Variants in PSG6 observed in about 807,000 individuals in gnomAD.
The protein encoded by PSG6 is pregnancy specific beta-1-glycoprotein 6.
Under a neutral mutation model 43.3 loss-of-function variants are expected in PSG6, and 51 were observed. That is an observed-to-expected ratio of 1.18 (90% CI 0.94 to 1.49). The LOEUF (loss-of-function observed/expected upper bound fraction) is 1.49, where lower values mean the gene tolerates loss of function less well. Ranked by LOEUF, PSG6 falls within the 40% of genes most tolerant of loss-of-function variation. The pLI, the probability that PSG6 is intolerant of heterozygous loss-of-function variation, is 0.00. For synonymous variants in PSG6, 292 were observed against 197.6 expected (o/e 1.48, Z -4.01); for missense variants, 770 against 522.2 (o/e 1.47, Z -4.62).
intron 5 of PSG6, among the ~76,000 whole-genome samples, chr19:42,903,435 A>G (rs1161484267): frequency 6.6e-6 from 1 of 151,638 alleles, no homozygotes; most frequent in African/African-American, 2.4e-5. Context: ...GAGGGAAATA[A>G]TAAGTATTAG....
At chr19:42,909,239 G>A (rs1430098613) in intron 3 of PSG6, among the ~76,000 whole-genome samples, 1 of 151,436 alleles carries the variant, frequency 6.6e-6, no homozygotes, top group African/African-American at 2.4e-5. Context: ...CTAGCTTGGT[G>A]ATTAGTTTTC....
chr19:42,910,518 G>A (rs747092612), intron 3 of PSG6, 62 bp downstream of exon 3: 1 of 1,612,488 alleles, frequency 6.2e-7, no homozygotes, highest in Non-Finnish European at 8.5e-7. Context: ...TGAGAGGCCT[G>A]GCCTCTGGCC....
Position 42,917,888 on chromosome 19 carries a change from C to G in PSG6, c.-96G>C. The G allele has an allele frequency of 6.8e-7, 1 of 1,478,124 alleles. No individual in the cohort carries two copies. The highest frequency in any genetic ancestry group is 9.2e-7 in the Non-Finnish European group (1 of 1,091,008). 91.6% of individuals were successfully genotyped at this position (1,478,124 alleles called of 1,614,324 possible). A position where few individuals can be genotyped will look rare whatever the true frequency, so the allele number is the denominator to read the frequency against. On this transcript the variant is annotated 5_prime_UTR_variant, in exon 1 of 6. Transcript: ENST00000187910. ...GTCAGGTGTGCTGTCCTTCCTCCTT[C>G]TGTGCTGAGCCTCTTCCCAGGGCAG...
intron 2 of PSG6, among the ~76,000 whole-genome samples, chr19:42,913,575 C>T (rs144097952): frequency 6.6e-6 from 1 of 151,592 alleles, no homozygotes; most frequent in Non-Finnish European, 1.5e-5. Context: ...AGAAAGTGAC[C>T]GGAGAATGTG....
In PSG6 at chr19:42,907,685, C is replaced by G; in HGVS notation, c.876G>C (p.Arg292Ser). 6.2e-7 allele frequency: 1 copy of G among 1,610,930 alleles called. No homozygotes were observed. Among genetic ancestry groups the G allele is most frequent in the Non-Finnish European group, 8.5e-7 (1 of 1,179,098 alleles). ...TCGTGACACTGGGTAGAATGAGTAT[C>G]CTGTTTTCAATGGGTCGCTTTACCC... ...SPRVKRPIEN[R>S]ILILPSVTRN... Residue 292 changes from arginine to serine, a missense_variant, in exon 4 of 6, where the codon AGG (arginine) becomes AGC (serine). Physicochemically the swap from Arg to Ser is moderately radical, Grantham distance 110. Transcript: ENST00000187910.
rs775131262 is a variant in PSG6 at position 42,910,504 on chromosome 19, G to T, written c.706+76C>A. 3.7e-6 allele frequency: 6 copies of T among 1,612,218 alleles called. 1 individual carries two copies. The African/African-American group carries it at 8.0e-5, about 22-fold the overall frequency. On this transcript the variant is annotated intron_variant, in intron 3 of 5. Transcript: ENST00000187910. ...AGGTCTCTGTACTTGGACCTGAGAG[G>T]GACTGAGAGGCCTGGCCTCTGGCCA...
chr19:42,910,186 G>C (rs993408350), intron 3 of PSG6: 1 of 358,438 alleles, frequency 2.8e-6, no homozygotes, highest in Admixed American at 4.0e-5. Context: ...GGAGCAAAGA[G>C]AATAATGTCA....
Position 42,917,728 on chromosome 19 carries a change from C to G in PSG6, c.64+1G>C, listed in dbSNP as rs1222638985. ...CCTCTCCCAGGAAGTCCTCTCCTCA[C>G]CTGTGAGCAGGAGCCCCTTCCAGGT... On this transcript the variant is annotated splice_donor_variant, in intron 1 of 5. Transcript: ENST00000187910. LOFTEE classifies it high-confidence loss of function. The G allele has an allele frequency of 1.2e-6, 2 of 1,609,832 alleles. No individual in the cohort carries two copies. Among genetic ancestry groups the G allele is most frequent in the East Asian group, 2.2e-5 (1 of 44,674 alleles).
At chr19:42,906,725 G>C (rs1972118642) in intron 5 of PSG6, 197 bp downstream of exon 5, 1 of 1,519,476 alleles carries the variant, frequency 6.6e-7, no homozygotes, top group Non-Finnish European at 8.9e-7. Context: ...CAGACACAAG[G>C]TCAGCCATGA....
intron 2 of PSG6, among the ~76,000 whole-genome samples, chr19:42,912,953 A>G (rs7259540): frequency 6.6e-6 from 1 of 151,682 alleles, no homozygotes; most frequent in East Asian, 1.9e-4. Flanking sequence ...TTGTCCCACA[A>G]CTACAAAATT....
chr19:42,907,098 G>A lies in PSG6; in HGVS notation c.1064C>T (p.Ala355Val), dbSNP rs781658393. 1.2e-5 allele frequency: 19 copies of A among 1,612,604 alleles called. No homozygotes were observed. The highest frequency in any genetic ancestry group is 1.4e-5 in the Non-Finnish European group (17 of 1,179,278). The change falls in exon 5 of 6, where the codon GCG (alanine) becomes GTG (valine). Residue 355 changes from alanine (A) to valine (V), a missense_variant. Coordinates refer to ENST00000187910, the MANE Select transcript of PSG6 (RefSeq NM_001031850.4). ...ATACTCTGCCGGTGGGTTAGAGTCC[G>A]CAAAGCAGGACAAGTCGAGGTTTTC... is the stretch of plus-strand genomic sequence containing the variant. ...SGENLDLSCF[A>V]DSNPPAEYSW...
chr19:42,906,273 C>T (rs1482813552), intron 5 of PSG6, among the ~76,000 whole-genome samples: 1 of 151,550 alleles, frequency 6.6e-6, no homozygotes, highest in Non-Finnish European at 1.5e-5. Flanking sequence ...CCTGAAGCTC[C>T]CTCTCTTCTT....
Position 42,917,616 on chromosome 19 carries a change from G to A in PSG6, c.64+113C>T, listed in dbSNP as rs1367439458. The A allele has an allele frequency of 6.8e-6, 10 of 1,479,484 alleles. 1 individual carries two copies. The East Asian group carries it at 1.2e-4, about 18-fold the overall frequency. 91.6% of individuals were successfully genotyped at this position (1,479,484 alleles called of 1,614,324 possible). A position where few individuals can be genotyped will look rare whatever the true frequency, so the allele number is the denominator to read the frequency against. Reference sequence around the variant, plus strand: ...CTGATCTCGTGATCCACCCACCTCAGCCTCCCTAAGTGCTGGCTTCTTTTA... The same window carrying A: ...CTGATCTCGTGATCCACCCACCTCAACCTCCCTAAGTGCTGGCTTCTTTTA... On this transcript the variant is annotated intron_variant, in intron 1 of 5. Coordinates refer to ENST00000187910, the MANE Select transcript of PSG6 (RefSeq NM_001031850.4).
chr19:42,906,874 T>C, intron 5 of PSG6, 48 bp downstream of exon 5: 2 of 1,611,558 alleles, frequency 1.2e-6, no homozygotes, highest in Non-Finnish European at 1.7e-6. Context: ...GAAAGCCAGA[T>C]AGACTCCACC....
chr19:42,907,592 GACTGGGTT>G lies in PSG6; in HGVS notation c.961_968del (p.Asn321HisfsTer35), dbSNP rs1251744111. On this transcript the variant is annotated frameshift_variant, in exon 4 of 6. Coordinates refer to ENST00000187910, the MANE Select transcript of PSG6 (RefSeq NM_001031850.4). LOFTEE classifies it high-confidence loss of function. ...GATACTCACAGAGGACATTCAGGGT[GACTGGGTT>G]ACTGCGGATGCCACCATATCGGTCC... is the stretch of plus-strand genomic sequence containing the variant. 6.2e-7 allele frequency: 1 copy of G among 1,611,972 alleles called. No individual in the cohort carries two copies. The highest frequency in any genetic ancestry group is 2.2e-5 in the East Asian group (1 of 44,814).
At chr19:42,915,252 C>T (rs948059289) in intron 2 of PSG6, 1 of 151,322 alleles carries the variant, frequency 6.6e-6, no homozygotes, top group Non-Finnish European at 1.5e-5. Context: ...TGGACTGTGG[C>T]TTTTCATGCT....
chr19:42,917,616 G>T, intron 1 of PSG6, 113 bp downstream of exon 1: 1 of 1,479,602 alleles, frequency 6.8e-7, no homozygotes, highest in South Asian at 1.2e-5. Flanking sequence ...ACCCACCTCA[G>T]CCTCCCTAAG....
At chr19:42,912,794 A>G (rs1460293054) in intron 2 of PSG6, among the ~76,000 whole-genome samples, 1 of 151,650 alleles carries the variant, frequency 6.6e-6, no homozygotes, top group Non-Finnish European at 1.5e-5. Flanking sequence ...CCACACGAAG[A>G]ACTCCAACTT....
At chr19:42,903,754 A>G in intron 5 of PSG6, 2 of 1,515,270 alleles carry the variant, frequency 1.3e-6, no homozygotes, top group Non-Finnish European at 8.8e-7. Context: ...TTAGCTGGGC[A>G]TGTTGACATG....
Sources: gnomAD v4.1 joint callset for allele counts (sites outside exome capture counted in the v4.1 genomes callset) on GRCh38, gnomAD v4.1.1 for gene constraint, MANE v1.5 for transcripts, NCBI Gene and HGNC (gene_info 2026-07-23, HGNC 2026-07-21) for gene names.